C8orf34: variants seen among roughly 807,000 people sequenced by gnomAD.
C8orf34 encodes chromosome 8 open reading frame 34.
A neutral mutation model predicts 68.3 loss-of-function variants in C8orf34; 65 were observed. That is an observed-to-expected ratio of 0.95 (90% CI 0.78 to 1.17). The LOEUF (loss-of-function observed/expected upper bound fraction) is 1.17. Ranked by LOEUF, C8orf34 falls within the 50% of genes most tolerant of loss-of-function variation. The pLI, the probability that C8orf34 is intolerant of heterozygous loss-of-function variation, is 0.00. For missense variants in C8orf34, 664 were observed against 655.4 expected, an observed-to-expected ratio of 1.01 and a Z score of -0.14; for synonymous variants, 244 against 241.2, an observed-to-expected ratio of 1.01 and a Z score of -0.11.
At chr8:68,550,236 C>T (rs968415215) in intron 7 of C8orf34, among the ~76,000 whole-genome samples, 6 of 151,598 alleles carry the variant, frequency 4.0e-5, no homozygotes, top group Non-Finnish European at 5.9e-5. Context: ...TCTCTCCCTT[C>T]TTAGTATATC....
intron 7 of C8orf34, among the ~76,000 whole-genome samples, chr8:68,635,181 C>G (rs530503545): frequency 4.5e-4 from 69 of 152,268 alleles, no homozygotes; most frequent in African/African-American, 1.6e-3. Context: ...AAATTCATGT[C>G]TTATTACCTT....
At chr8:68,659,617 C>T (rs1394235309) in intron 8 of C8orf34, among the ~76,000 whole-genome samples, 1 of 152,106 alleles carries the variant, frequency 6.6e-6, no homozygotes, top group African/African-American at 2.4e-5. Context: ...TACTCCACTG[C>T]TAAAGAGTAT....
At chr8:68,696,414 A>AT (rs200446222) in intron 8 of C8orf34, among the ~76,000 whole-genome samples, 1,524 of 150,222 alleles carry the variant, frequency 0.01, 32 homozygotes, top group African/African-American at 0.035. Flanking sequence ...CATAGTCCCT[A>AT]TTTTTTATTA....
At chr8:68,337,882 A>G (rs1211050981) in intron 1 of C8orf34, among the ~76,000 whole-genome samples, 1 of 152,186 alleles carries the variant, frequency 6.6e-6, no homozygotes, top group Admixed American at 6.5e-5. Flanking sequence ...GAAATATCTG[A>G]AAAAAATATT....
intron 1 of C8orf34, among the ~76,000 whole-genome samples, chr8:68,429,749 G>A (rs1459875355): frequency 1.3e-5 from 2 of 152,212 alleles, no homozygotes; most frequent in African/African-American, 4.8e-5. Flanking sequence ...ATGGAGTAAT[G>A]AGTAAATCTC....
chr8:68,351,079 T>C (rs1806492309), intron 1 of C8orf34, among the ~76,000 whole-genome samples: 1 of 152,056 alleles, frequency 6.6e-6, no homozygotes, highest in Admixed American at 6.6e-5. Context: ...TTAAATATGT[T>C]TTTATATTAG....
At chr8:68,388,768 A>C (rs1808363371) in intron 1 of C8orf34, among the ~76,000 whole-genome samples, 1 of 152,170 alleles carries the variant, frequency 6.6e-6, no homozygotes, top group African/African-American at 2.4e-5. Context: ...GGGGTAAAAT[A>C]ACAAGACCGT....
chr8:68,558,081 G>A (rs958035799), intron 7 of C8orf34, among the ~76,000 whole-genome samples: 2 of 152,114 alleles, frequency 1.3e-5, no homozygotes, highest in African/African-American at 4.8e-5. Context: ...TGGTTCAGAA[G>A]GTACTTCATC....
chr8:68,732,602 G>A (rs1446359578), intron 10 of C8orf34, among the ~76,000 whole-genome samples: 1 of 151,978 alleles, frequency 6.6e-6, no homozygotes, highest in Admixed American at 6.6e-5. Context: ...TTTTATTACA[G>A]AGAAGCTATA....
chr8:68,737,120 C>A (rs1278328362), intron 10 of C8orf34, among the ~76,000 whole-genome samples: 1 of 152,050 alleles, frequency 6.6e-6, no homozygotes, highest in Non-Finnish European at 1.5e-5. Context: ...GTCTTAGTAT[C>A]TCCAAGGCAT....
At chr8:68,545,834 A>C (rs925007739) in intron 7 of C8orf34, among the ~76,000 whole-genome samples, 1 of 152,158 alleles carries the variant, frequency 6.6e-6, no homozygotes, top group Admixed American at 6.6e-5. Flanking sequence ...CTTACTTTTC[A>C]TTAATTTTCA....
intron 10 of C8orf34, among the ~76,000 whole-genome samples, chr8:68,744,043 G>C (rs1325172227): frequency 1.3e-5 from 2 of 152,128 alleles, no homozygotes; most frequent in South Asian, 4.1e-4. Flanking sequence ...ATCTGAGAAC[G>C]GGCAGACTGC....
rs1329238386 is a variant in C8orf34, at chr8:68,550,703, T to C, written c.1105+17554T>C. ...TTTTAATTGGTCTAAGAAAGTCTTT[T>C]TTTCTCCTTCAGTTTTAAAGGAGAT... On this transcript the variant is annotated intron_variant, in intron 7 of 13. Transcript: ENST00000518698. 2.6e-5 allele frequency among the ~76,000 whole-genome samples: 4 copies of C among 151,918 alleles called. No individual in the cohort carries two copies. In the East Asian group the frequency reaches 5.8e-4, roughly 22 times the overall value.
intron 8 of C8orf34, among the ~76,000 whole-genome samples, chr8:68,681,189 T>G (rs1236386899): frequency 1.3e-5 from 2 of 152,208 alleles, no homozygotes; most frequent in Admixed American, 6.5e-5. Flanking sequence ...ACACATATTT[T>G]ACAATCAATT....
At chr8:68,432,308 T>C (rs1446168359) in intron 1 of C8orf34, among the ~76,000 whole-genome samples, 2 of 151,898 alleles carry the variant, frequency 1.3e-5, no homozygotes, top group Admixed American at 6.6e-5. Flanking sequence ...ATGACTGATA[T>C]TTTATTTTAT....
chr8:68,498,850 T>A (rs907833247), intron 5 of C8orf34, among the ~76,000 whole-genome samples: 1 of 152,214 alleles, frequency 6.6e-6, no homozygotes, highest in Non-Finnish European at 1.5e-5. Context: ...CATTTGCTTT[T>A]AAAAGGAATC....
chr8:68,362,548 A>G (rs1807050023), intron 1 of C8orf34, among the ~76,000 whole-genome samples: 1 of 152,198 alleles, frequency 6.6e-6, no homozygotes. Flanking sequence ...ACGCGGCTGG[A>G]GATCTGAGAA....
At chr8:68,714,535 TA>T (rs113475089) in intron 9 of C8orf34, among the ~76,000 whole-genome samples, 13 of 150,438 alleles carry the variant, frequency 8.6e-5, no homozygotes, top group South Asian at 6.3e-4. Flanking sequence ...ATAATAGCTG[TA>T]AAAAAAAATA....
chr8:68,336,120 G>A (rs1198493952), intron 1 of C8orf34, among the ~76,000 whole-genome samples: 1 of 152,020 alleles, frequency 6.6e-6, no homozygotes, highest in Non-Finnish European at 1.5e-5. Context: ...TTTAATATTT[G>A]TGGGTCTCTC....
Sources: gnomAD v4.1 joint callset for allele counts (sites outside exome capture counted in the v4.1 genomes callset) on GRCh38, gnomAD v4.1.1 for gene constraint, MANE v1.5 for transcripts, NCBI Gene and HGNC (gene_info 2026-07-23, HGNC 2026-07-21) for gene names.